The following DAB1 variants were observed in gnomAD, a reference collection of about 807,000 sequenced individuals.
The protein encoded by DAB1 is DAB adaptor protein 1, also known as disabled homolog 1.
Under a neutral mutation model 64.6 loss-of-function variants are expected in DAB1, and 15 were observed. The ratio of observed to expected loss-of-function variants is 0.23; its 90% CI spans 0.16 to 0.36. The LOEUF is 0.36. DAB1 is among the 10% of genes least tolerant of loss of function. The pLI, the probability that DAB1 is intolerant of heterozygous loss-of-function variation, is 1.00. For missense variants in DAB1, 596 were observed against 706.7 expected (o/e 0.84, Z 1.78); for synonymous variants, 235 against 251.9 (o/e 0.93, Z 0.64).
chr1:57,992,860 A>G (rs1351422928), intron 5 of DAB1, among the ~76,000 whole-genome samples: 1 of 152,018 alleles, frequency 6.6e-6, no homozygotes, highest in Non-Finnish European at 1.5e-5. Context: ...CCAGGAAACC[A>G]AATTCCACTT....
intron 6 of DAB1, among the ~76,000 whole-genome samples, chr1:57,704,024 G>C (rs10889067): frequency 1.3e-5 from 2 of 151,884 alleles, no homozygotes; most frequent in African/African-American, 2.4e-5. Context: ...CAACACACAC[G>C]GTGGCCCATT....
intron 2 of DAB1, among the ~76,000 whole-genome samples, chr1:57,219,688 G>T (rs1666709385): frequency 6.6e-6 from 1 of 152,188 alleles, no homozygotes; most frequent in African/African-American, 2.4e-5. Context: ...CTGTGGCAGA[G>T]AATTTGGGGA....
intron 6 of DAB1, among the ~76,000 whole-genome samples, chr1:57,659,154 T>G (rs1473972392): frequency 6.6e-6 from 1 of 152,152 alleles, no homozygotes; most frequent in Admixed American, 6.5e-5. Flanking sequence ...CACATGTATC[T>G]GATGGCTGAA....
chr1:57,878,611 A>G (rs890508986), intron 1 of DAB1: 2 of 152,204 alleles, frequency 1.3e-5, no homozygotes, highest in Non-Finnish European at 2.9e-5. Flanking sequence ...TGACACATGT[A>G]TACAATGTGT....
At chr1:57,564,819 A>G (rs1438517690) in intron 7 of DAB1, among the ~76,000 whole-genome samples, 14 of 152,246 alleles carry the variant, frequency 9.2e-5, no homozygotes, top group Admixed American at 9.2e-4. Context: ...GAAAGTGACA[A>G]GGAGAATGGA....
intron 1 of DAB1, among the ~76,000 whole-genome samples, chr1:57,378,931 C>A (rs1681133055): frequency 6.6e-6 from 1 of 152,162 alleles, no homozygotes; most frequent in Non-Finnish European, 1.5e-5. Context: ...AGCTTCTCTT[C>A]TAAAGTAAAT....
At chr1:57,030,315 T>C (rs1230117240) in intron 9 of DAB1, among the ~76,000 whole-genome samples, 2 of 152,172 alleles carry the variant, frequency 1.3e-5, no homozygotes, top group Non-Finnish European at 2.9e-5. Flanking sequence ...CAGTCTTGGG[T>C]ATGCTTTTAT....
At chr1:58,084,669 C>T (rs977641694) in intron 5 of DAB1, 1 of 152,860 alleles carries the variant, frequency 6.5e-6, no homozygotes, top group Non-Finnish European at 1.5e-5. Context: ...CAGTGACTGG[C>T]CAGCAGGTCC....
chr1:57,275,461 G>A (rs1170356981), intron 2 of DAB1, among the ~76,000 whole-genome samples: 1 of 152,150 alleles, frequency 6.6e-6, no homozygotes, highest in East Asian at 1.9e-4. Flanking sequence ...ACAGATATTA[G>A]AAAAATGTAT....
At chr1:58,359,824 A>G (rs1644147560) in intron 3 of DAB1, among the ~76,000 whole-genome samples, 1 of 152,200 alleles carries the variant, frequency 6.6e-6, no homozygotes, top group South Asian at 2.1e-4. Flanking sequence ...GGAGAGGACT[A>G]TCCATCATGG....
chr1:57,584,167 C>T (rs189830994), intron 7 of DAB1, among the ~76,000 whole-genome samples: 2 of 152,284 alleles, frequency 1.3e-5, no homozygotes, highest in East Asian at 1.9e-4. Context: ...AATAAGGAAA[C>T]GCTGAGCCGT....
chr1:58,317,609 A>G (rs1034389782), intron 4 of DAB1, among the ~76,000 whole-genome samples: 1 of 152,214 alleles, frequency 6.6e-6, no homozygotes, highest in Admixed American at 6.5e-5. Flanking sequence ...CCACAGATGC[A>G]ACCCGAAGGA....
At chr1:58,316,517 C>A (rs1286502883) in intron 4 of DAB1, among the ~76,000 whole-genome samples, 2 of 151,898 alleles carry the variant, frequency 1.3e-5, no homozygotes, top group African/African-American at 4.8e-5. Flanking sequence ...GTGCTCAAAT[C>A]CAGAGGAGAG....
chr1:57,738,090 GC>G (rs1647782466), intron 6 of DAB1, among the ~76,000 whole-genome samples: 1 of 152,156 alleles, frequency 6.6e-6, no homozygotes, highest in Non-Finnish European at 1.5e-5. Context: ...TGGGAAAGGG[GC>G]CCAGGACTAG....
intron 1 of DAB1, among the ~76,000 whole-genome samples, chr1:57,359,442 G>A (rs928974056): frequency 4.0e-5 from 6 of 151,800 alleles, no homozygotes; most frequent in African/African-American, 1.5e-4. Context: ...AAAATAAGAA[G>A]TATTGGCAAG....
At chr1:57,607,345 C>T (rs559649070) in intron 7 of DAB1, among the ~76,000 whole-genome samples, 4 of 152,258 alleles carry the variant, frequency 2.6e-5, no homozygotes, top group Admixed American at 6.5e-5. Context: ...ATGACGCCTT[C>T]ATCTTTTTTG....
intron 7 of DAB1, among the ~76,000 whole-genome samples, chr1:57,575,483 C>T (rs1367491701): frequency 2.6e-5 from 4 of 152,228 alleles, no homozygotes; most frequent in African/African-American, 9.6e-5. Context: ...AAGTTGAAAA[C>T]AGAGCTGAAA....
chr1:58,167,349 C>G (rs1436673905), intron 4 of DAB1, among the ~76,000 whole-genome samples: 1 of 151,762 alleles, frequency 6.6e-6, no homozygotes, highest in Non-Finnish European at 1.5e-5. Context: ...GTAAATGCAC[C>G]AATCAGCACT....
chr1:58,455,281 T>G (rs1645182686), intron 3 of DAB1, among the ~76,000 whole-genome samples: 1 of 152,370 alleles, frequency 6.6e-6, no homozygotes, highest in Middle Eastern at 3.4e-3. Flanking sequence ...GGATGCACAC[T>G]GTAGAGTTGC....
Sources: allele counts gnomAD v4.1 joint callset (sites outside exome capture counted in the v4.1 genomes callset), GRCh38; gene constraint gnomAD v4.1.1; transcripts MANE v1.5; gene names NCBI Gene and HGNC (gene_info 2026-07-23, HGNC 2026-07-21).